PTPN3: variants seen among roughly 807,000 people sequenced by gnomAD.
The protein encoded by PTPN3 is protein tyrosine phosphatase non-receptor type 3.
PTPN3 carries 96 observed loss-of-function variants against 132.7 expected under a neutral mutation model. The observed-to-expected ratio is 0.72, with a 90% CI of 0.61 to 0.86. PTPN3 has a LOEUF of 0.86. Ranked by LOEUF, PTPN3 falls within the 40% of genes least tolerant of loss-of-function variation. PTPN3 has a pLI of 0.00. For missense variants in PTPN3, 1,125 were observed against 1,159.6 expected (o/e 0.97, Z 0.43); for synonymous variants, 398 against 429.0 (o/e 0.93, Z 0.89).
At chr9:109,395,932 C>T (rs1334445855) in intron 19 of PTPN3, among the ~76,000 whole-genome samples, 7 of 146,398 alleles carry the variant, frequency 4.8e-5, no homozygotes, top group African/African-American at 7.6e-5. Context: ...TCTCGGCTCA[C>T]TGCAACCTCC....
rs1021343367 is a variant in PTPN3, at chr9:109,408,493, C to G, written c.1579-116G>C. ...CATGGAGGTACCAATAAATGTGAGT[C>G]TTTGGTACAGGGAGGCTTCAAACTT... On this transcript the variant is annotated intron_variant, in intron 16 of 25. Coordinates refer to ENST00000374541, the MANE Select transcript of PTPN3 (RefSeq NM_002829.4). 12 of 685,828 alleles carry G rather than the reference C, an allele frequency of 1.7e-5. No homozygotes were observed. In the Middle Eastern group the frequency reaches 9.0e-4, roughly 52 times the overall value. The allele number at this position is 685,828 out of a possible 1,614,324, so 42.5% of individuals were successfully genotyped here.
At chr9:109,512,840 C>G in the PTPN3 span, among the ~76,000 whole-genome samples, 1 of 152,138 alleles carries the variant, frequency 6.6e-6, no homozygotes, top group East Asian at 1.9e-4. Flanking sequence ...GTGTTTAAAG[C>G]ACTGTGTGCT....
chr9:109,408,786 A>ATATAT (rs1420542134), intron 16 of PTPN3, among the ~76,000 whole-genome samples: 11 of 43,080 alleles, frequency 2.6e-4, no homozygotes, highest in Admixed American at 1.5e-3. Flanking sequence ...ATAATTAAAA[A>ATATAT]AAAAAAAAAA....
intron 19 of PTPN3, among the ~76,000 whole-genome samples, chr9:109,391,875 G>GT (rs1554777541): frequency 1.1e-4 from 12 of 105,070 alleles, no homozygotes; most frequent in South Asian, 3.4e-4. Context: ...AGATGTGGGG[G>GT]GGGGGGGGAA....
intron 22 of PTPN3, among the ~76,000 whole-genome samples, chr9:109,385,701 A>G (rs941931926): frequency 2.0e-5 from 3 of 152,258 alleles, no homozygotes; most frequent in South Asian, 4.1e-4. Context: ...AGCTGAGCAT[A>G]TAAGAGAAGA....
chr9:109,530,525 A>G, the PTPN3 span, among the ~76,000 whole-genome samples: 2 of 152,308 alleles, frequency 1.3e-5, no homozygotes, highest in East Asian at 3.9e-4. Context: ...GCTGCTATGA[A>G]CATGTTGTAT....
the PTPN3 span, among the ~76,000 whole-genome samples, chr9:109,535,900 A>T: frequency 1.3e-5 from 2 of 152,132 alleles, no homozygotes; most frequent in Non-Finnish European, 2.9e-5. Flanking sequence ...TAACCACTTA[A>T]ACAGAACAAT....
intron 19 of PTPN3, among the ~76,000 whole-genome samples, chr9:109,402,001 A>C (rs1490780904): frequency 1.3e-5 from 2 of 151,988 alleles, no homozygotes; most frequent in Non-Finnish European, 2.9e-5. Context: ...AATACACTAA[A>C]ATTAGACTGT....
intron 9 of PTPN3, among the ~76,000 whole-genome samples, chr9:109,435,028 T>C (rs887346798): frequency 1.3e-5 from 2 of 152,124 alleles, no homozygotes; most frequent in African/African-American, 2.4e-5. Flanking sequence ...ATTTGCTTGA[T>C]GAAGGGTAGA....
At chr9:109,418,954 G>GC (rs1443108980) in intron 14 of PTPN3, among the ~76,000 whole-genome samples, 2 of 152,108 alleles carry the variant, frequency 1.3e-5, no homozygotes, top group Non-Finnish European at 2.9e-5. Context: ...AAGCCGCAGA[G>GC]CCCCCACTGC....
upstream of PTPN3, among the ~76,000 whole-genome samples, chr9:109,502,881 A>G (rs1847877865): frequency 6.6e-6 from 1 of 152,250 alleles, no homozygotes; most frequent in African/African-American, 2.4e-5. Flanking sequence ...GCATACACAT[A>G]GAACAAAAAC....
chr9:109,408,796 A>AAAAATAT (rs1377996219), intron 16 of PTPN3, among the ~76,000 whole-genome samples: 1 of 108,374 alleles, frequency 9.2e-6, no homozygotes, highest in Non-Finnish European at 1.8e-5. Context: ...AAAAAAAAAA[A>AAAAATAT]ATATATATAT....
At chr9:109,478,865 C>T (rs1795887837) in intron 1 of PTPN3, among the ~76,000 whole-genome samples, 1 of 152,202 alleles carries the variant, frequency 6.6e-6, no homozygotes, top group South Asian at 2.1e-4. Context: ...ATGAGGTTAC[C>T]ACATGTGTTT....
chr9:109,386,779 G>A (rs1044678122), intron 22 of PTPN3, among the ~76,000 whole-genome samples: 1 of 152,210 alleles, frequency 6.6e-6, no homozygotes, highest in African/African-American at 2.4e-5. Flanking sequence ...AGCCACCAGA[G>A]GGTTTGAGCA....
rs1053864002 is a variant in PTPN3 at position 109,377,993 on chromosome 9, T to C, written c.*1563A>G. 1.3e-4 allele frequency: 20 copies of C among 152,184 alleles called. No homozygotes were observed. The highest frequency in any genetic ancestry group is 4.6e-4 in the African/African-American group (19 of 41,438). 9.4% of individuals were successfully genotyped at this position (152,184 alleles called of 1,614,324 possible). A position where few individuals can be genotyped will look rare whatever the true frequency, so the allele number is the denominator to read the frequency against. ...CTGCCATTTAGCAGTAAAATATCCA[T>C]GTGGAAAAGAAACAAAGTATGCAAG... On this transcript the variant is annotated 3_prime_UTR_variant, in exon 26 of 26. Coordinates refer to ENST00000374541, the MANE Select transcript of PTPN3 (RefSeq NM_002829.4).
chr9:109,514,378 A>G, the PTPN3 span, among the ~76,000 whole-genome samples: 1 of 152,174 alleles, frequency 6.6e-6, no homozygotes. Context: ...TCTGTGCCAT[A>G]TTTGAGGGTA....
At chr9:109,384,510 G>A (rs940405319) in intron 22 of PTPN3, among the ~76,000 whole-genome samples, 2 of 152,134 alleles carry the variant, frequency 1.3e-5, no homozygotes, top group Non-Finnish European at 1.5e-5. Context: ...CCGCACAGAC[G>A]GGCTGATCCC....
At chr9:109,464,656 A>G (rs939457008) in intron 1 of PTPN3, among the ~76,000 whole-genome samples, 1 of 152,280 alleles carries the variant, frequency 6.6e-6, no homozygotes, top group Non-Finnish European at 1.5e-5. Flanking sequence ...AAGAATATTC[A>G]TAATAATCCT....
intron 7 of PTPN3, among the ~76,000 whole-genome samples, chr9:109,440,947 G>C (rs913307794): frequency 1.3e-5 from 2 of 152,116 alleles, no homozygotes; most frequent in South Asian, 4.2e-4. Flanking sequence ...CAAAACACTG[G>C]GCGGTTTCAC....
Sources: allele counts gnomAD v4.1 joint callset (sites outside exome capture counted in the v4.1 genomes callset), GRCh38; gene constraint gnomAD v4.1.1; transcripts MANE v1.5; gene names NCBI Gene and HGNC (gene_info 2026-07-23, HGNC 2026-07-21).